Variants in EYS observed in about 807,000 individuals in gnomAD.
EYS encodes the protein EGF-like photoreceptor maintenance factor, also known as protein eyes shut homolog.
EYS carries 250 observed loss-of-function variants against 282.1 expected under a neutral mutation model. The observed-to-expected ratio is 0.89, with a 90% CI of 0.80 to 0.98. The LOEUF is 0.98. Ranked by LOEUF, EYS falls within the 50% of genes least tolerant of loss-of-function variation. EYS has a pLI of 0.00. For synonymous variants in EYS, 1,355 were observed against 1,282.9 expected, an observed-to-expected ratio of 1.06 and a Z score of -1.20; for missense variants, 4,016 against 3,709.0, an observed-to-expected ratio of 1.08 and a Z score of -2.15.
rs181887468 is a variant in EYS at position 64,951,649 on chromosome 6, C to A, written c.2260-5735G>T. Among the ~76,000 whole-genome samples, 852 of 151,490 alleles carry A rather than the reference C, an allele frequency of 5.6e-3. 6 individuals are homozygous for A. The highest frequency in any genetic ancestry group is 0.031 in the Middle Eastern group (9 of 290). On this transcript the variant is annotated intron_variant, in intron 14 of 42. Coordinates refer to ENST00000503581, the MANE Select transcript of EYS (RefSeq NM_001142800.2). ...GGGAATTCCACTAGAAAACTGAAAT[C>A]TATAAAAGAGACAAAGAAAAACTCT...
intron 12 of EYS, among the ~76,000 whole-genome samples, chr6:65,150,742 A>C (rs1030478326): frequency 2.0e-5 from 3 of 151,854 alleles, no homozygotes; most frequent in Non-Finnish European, 4.4e-5. Context: ...ATAGGTTACT[A>C]GTGGATTATT....
chr6:64,278,359 T>A lies in EYS; in HGVS notation c.6191+28611A>T, dbSNP rs143169205. Among the ~76,000 whole-genome samples the A allele has an allele frequency of 2.2e-3, 340 of 152,278 alleles. 6 individuals carry two copies. Among genetic ancestry groups the A allele is most frequent in the Admixed American group, 0.019 (290 of 15,284 alleles). ...TCTAATCACATTTTTAGAAGCTTTT[T>A]AATAATGAAATTATTCATTCTTATT... On this transcript the variant is annotated intron_variant, in intron 30 of 42. Coordinates refer to ENST00000503581, the MANE Select transcript of EYS (RefSeq NM_001142800.2).
chr6:65,662,479 G>C (rs1039541051), intron 1 of EYS, among the ~76,000 whole-genome samples: 3 of 152,062 alleles, frequency 2.0e-5, no homozygotes, highest in African/African-American at 4.8e-5. Context: ...AAAAACAAAA[G>C]AATTTAGAAC....
intron 35 of EYS, among the ~76,000 whole-genome samples, chr6:63,864,948 G>A (rs1185000072): frequency 1.3e-5 from 2 of 152,154 alleles, no homozygotes; most frequent in African/African-American, 4.8e-5. Context: ...TACCTGCCAG[G>A]GAAGCATTCT....
chr6:64,675,120 A>G (rs1357887588), intron 22 of EYS, among the ~76,000 whole-genome samples: 2 of 152,174 alleles, frequency 1.3e-5, no homozygotes, highest in African/African-American at 4.8e-5. Context: ...CATTTTAGTA[A>G]TGCTAAGCTT....
chr6:65,557,440 A>T (rs752022123), intron 2 of EYS, among the ~76,000 whole-genome samples: 2 of 152,208 alleles, frequency 1.3e-5, no homozygotes, highest in Non-Finnish European at 2.9e-5. Flanking sequence ...TGGACCAGAC[A>T]TACAACATGC....
chr6:64,386,681 T>C (rs1431989493), intron 29 of EYS, among the ~76,000 whole-genome samples: 1 of 152,204 alleles, frequency 6.6e-6, no homozygotes. Context: ...AATGGGACTA[T>C]AAATTCTATG....
chr6:64,187,187 G>C, intron 31 of EYS, among the ~76,000 whole-genome samples: 1 of 151,944 alleles, frequency 6.6e-6, no homozygotes, highest in East Asian at 1.9e-4. Context: ...ATTTGTACTT[G>C]GTGCTTTTTA....
intron 31 of EYS, among the ~76,000 whole-genome samples, chr6:64,101,453 A>C (rs1472887506): frequency 1.3e-5 from 2 of 152,216 alleles, no homozygotes; most frequent in African/African-American, 4.8e-5. Context: ...ATGTATATTC[A>C]TGATGCATGC....
At chr6:64,787,979 T>G (rs1774074998) in intron 22 of EYS, among the ~76,000 whole-genome samples, 1 of 152,064 alleles carries the variant, frequency 6.6e-6, no homozygotes, top group South Asian at 2.1e-4. Flanking sequence ...ATATGCTGCT[T>G]GTCTATCTGA....
intron 30 of EYS, among the ~76,000 whole-genome samples, chr6:64,285,298 C>T (rs1045768045): frequency 1.3e-5 from 2 of 152,076 alleles, no homozygotes; most frequent in South Asian, 4.1e-4. Context: ...ATTTCTTCCA[C>T]CAGATACCCT....
chr6:65,138,235 A>C (rs958753267), intron 12 of EYS, among the ~76,000 whole-genome samples: 11 of 152,220 alleles, frequency 7.2e-5, no homozygotes, highest in Admixed American at 5.9e-4. Flanking sequence ...CAGAAATGCA[A>C]ATTGAACTAT....
intron 31 of EYS, among the ~76,000 whole-genome samples, chr6:64,096,909 G>A (rs1197384020): frequency 6.6e-6 from 1 of 152,164 alleles, no homozygotes; most frequent in Non-Finnish European, 1.5e-5. Flanking sequence ...TTTGATGATG[G>A]TGACGTACAG....
chr6:65,478,782 T>C (rs1167653987), intron 5 of EYS, among the ~76,000 whole-genome samples: 15 of 152,070 alleles, frequency 9.9e-5, no homozygotes. Flanking sequence ...GAAAAGTTCT[T>C]AAAATTAAAA....
chr6:64,572,041 C>T (rs147536067), intron 26 of EYS, among the ~76,000 whole-genome samples: 2,018 of 152,076 alleles, frequency 0.013, 32 homozygotes, highest in African/African-American at 0.045. Context: ...AAGAAAATAC[C>T]GGCAAACTGA....
At chr6:63,891,954 A>C (rs1347254878) in intron 35 of EYS, among the ~76,000 whole-genome samples, 1 of 152,196 alleles carries the variant, frequency 6.6e-6, no homozygotes, top group Non-Finnish European at 1.5e-5. Context: ...AACAGAGCCA[A>C]ACTATGAGCA....
intron 30 of EYS, among the ~76,000 whole-genome samples, chr6:64,293,123 G>A (rs1041541026): frequency 1.3e-5 from 2 of 152,054 alleles, no homozygotes; most frequent in Non-Finnish European, 2.9e-5. Flanking sequence ...AAATGGGAAG[G>A]ACAGAATTTG....
intron 6 of EYS, 42 bp downstream of exon 6, chr6:65,405,132 A>G: frequency 6.8e-7 from 1 of 1,476,896 alleles, no homozygotes; most frequent in East Asian, 2.3e-5. Context: ...AATAGTAAAA[A>G]AAATTTAAAA....
Position 65,634,233 on chromosome 6 carries a change from C to T in EYS, c.-333+5545G>A, listed in dbSNP as rs538870146. Among the ~76,000 whole-genome samples, 8 of 152,248 alleles carry T rather than the reference C, an allele frequency of 5.3e-5. No individual in the cohort carries two copies. In the South Asian group the frequency reaches 1.7e-3, roughly 32 times the overall value. On this transcript the variant is annotated intron_variant, in intron 2 of 42. Transcript: ENST00000503581. ...TAGAAAGAAAACAGAGTTAGGGTGC[C>T]TAACTACATTTCTGAGCAACTTCTT...
Sources: gnomAD v4.1 joint callset for allele counts (sites outside exome capture counted in the v4.1 genomes callset) on GRCh38, gnomAD v4.1.1 for gene constraint, MANE v1.5 for transcripts, NCBI Gene and HGNC (gene_info 2026-07-23, HGNC 2026-07-21) for gene names.